IFT80: variants seen among roughly 807,000 people sequenced by gnomAD.
IFT80 encodes intraflagellar transport 80.
Under a neutral mutation model 107.9 loss-of-function variants are expected in IFT80, and 79 were observed. The observed-to-expected ratio is 0.73, with a 90% CI of 0.61 to 0.88. The LOEUF is 0.88. Among genes scored for constraint, IFT80 ranks in the 40% least tolerant of loss-of-function variants. IFT80 has a pLI of 0.00. For synonymous variants in IFT80, 299 were observed against 300.9 expected (o/e 0.99, Z 0.07); for missense variants, 797 against 914.2 (o/e 0.87, Z 1.65).
In IFT80 at chr3:160,288,205, C is replaced by T. The variant is rs78817176; in HGVS notation, c.1316-2337G>A. On this transcript the variant is annotated intron_variant, in intron 12 of 19. Transcript: ENST00000326448. ...AAAATTAGCCAGGCGTGGCAGCCTG[C>T]GCCTGTAGTCCCAGCTACTCAGGAG... is the stretch of plus-strand genomic sequence containing the variant. Among the ~76,000 whole-genome samples, 76 of 152,202 alleles carry T rather than the reference C, an allele frequency of 5.0e-4. No individual in the cohort carries two copies. The East Asian group carries it at 0.013, about 26-fold the overall frequency.
chr3:160,276,081 G>A (rs565899151), intron 18 of IFT80, among the ~76,000 whole-genome samples: 9 of 152,000 alleles, frequency 5.9e-5, no homozygotes, highest in African/African-American at 2.2e-4. Context: ...TATTGGCCAG[G>A]CTGGTCTCAA....
chr3:160,268,570 G>A, intron 18 of IFT80, 34 bp from the exon 19 acceptor site: 1 of 1,606,706 alleles, frequency 6.2e-7, no homozygotes, highest in Non-Finnish European at 8.5e-7. Flanking sequence ...TATTAACATT[G>A]TTTGTGTCAG....
At chr3:160,386,882 G>C (rs1262581067) in intron 1 of IFT80, among the ~76,000 whole-genome samples, 1 of 152,154 alleles carries the variant, frequency 6.6e-6, no homozygotes, top group Admixed American at 6.5e-5. Context: ...ACAACATGCA[G>C]GGTCTTGGAA....
chr3:160,368,214 T>C (rs1347532189), intron 5 of IFT80, among the ~76,000 whole-genome samples: 4 of 151,910 alleles, frequency 2.6e-5, no homozygotes, highest in Admixed American at 6.6e-5. Context: ...AATGTCTTAC[T>C]GAATAAATTT....
At chr3:160,364,025 G>T (rs1367165649) in intron 6 of IFT80, among the ~76,000 whole-genome samples, 3 of 151,980 alleles carry the variant, frequency 2.0e-5, no homozygotes, top group Admixed American at 6.6e-5. Context: ...AATTAAACTA[G>T]AGCTTCTGCA....
rs1342420138 is a variant in IFT80 at position 160,366,740 on chromosome 3, A to C, written c.440-588T>G. Among the ~76,000 whole-genome samples, 3 of 152,064 alleles carry C rather than the reference A, an allele frequency of 2.0e-5. No individual in the cohort carries two copies. The South Asian group carries it at 6.2e-4, about 31-fold the overall frequency. ...TGGGGCACATGAGATCTTTTGATACAGGCATACAATACATAACAATTACAT... is the reference window on the plus strand; with the variant it reads ...TGGGGCACATGAGATCTTTTGATACCGGCATACAATACATAACAATTACAT... On this transcript the variant is annotated intron_variant, in intron 5 of 19. Coordinates refer to ENST00000326448, the MANE Select transcript of IFT80 (RefSeq NM_020800.3).
chr3:160,325,294 T>C (rs951461392), intron 8 of IFT80, among the ~76,000 whole-genome samples: 2 of 152,114 alleles, frequency 1.3e-5, no homozygotes, highest in Non-Finnish European at 2.9e-5. Context: ...AAAGTTCATA[T>C]GGAACCAAAA....
intron 4 of IFT80, among the ~76,000 whole-genome samples, chr3:160,376,959 A>G (rs1185669695): frequency 1.2e-4 from 19 of 152,146 alleles, no homozygotes; most frequent in Non-Finnish European, 1.5e-5. Context: ...GTCAGACAGA[A>G]CCACCCACCT....
At chr3:160,382,483 G>C (rs753719895) in intron 2 of IFT80, among the ~76,000 whole-genome samples, 11 of 151,968 alleles carry the variant, frequency 7.2e-5, no homozygotes, top group Admixed American at 2.6e-4. Flanking sequence ...CATTTTTTCA[G>C]CTCTAATTTA....
At chr3:160,292,637 G>A (rs1222609285) in intron 12 of IFT80, among the ~76,000 whole-genome samples, 5 of 151,880 alleles carry the variant, frequency 3.3e-5, no homozygotes, top group African/African-American at 9.7e-5. Flanking sequence ...ACACCACCAC[G>A]GCCAGCTAAT....
chr3:160,259,108 CA>C (rs549975096), intron 19 of IFT80, among the ~76,000 whole-genome samples: 1 of 149,874 alleles, frequency 6.7e-6, no homozygotes, highest in Admixed American at 6.7e-5. Flanking sequence ...GGCCCTGTCT[CA>C]AAAAAAACAA....
intron 6 of IFT80, among the ~76,000 whole-genome samples, chr3:160,358,544 G>A (rs1359924745): frequency 6.6e-6 from 1 of 151,464 alleles, no homozygotes; most frequent in Non-Finnish European, 1.5e-5. Context: ...TCATTCTTTG[G>A]TATCTGTGGG....
chr3:160,331,593 T>G (rs1030326135), intron 8 of IFT80, among the ~76,000 whole-genome samples: 3 of 152,164 alleles, frequency 2.0e-5, no homozygotes, highest in African/African-American at 4.8e-5. Context: ...TCAATCAAGA[T>G]GCAAATAAGG....
chr3:160,335,027 A>AT (rs1381128955), intron 8 of IFT80, among the ~76,000 whole-genome samples: 3 of 151,604 alleles, frequency 2.0e-5, no homozygotes, highest in African/African-American at 7.3e-5. Context: ...GAAATAGGTA[A>AT]TTTTTTCAAG....
chr3:160,341,953 T>A (rs766193576), intron 8 of IFT80, among the ~76,000 whole-genome samples: 2 of 152,186 alleles, frequency 1.3e-5, no homozygotes, highest in Non-Finnish European at 2.9e-5. Flanking sequence ...AAAGAAAACA[T>A]AGAGTAAGTT....
chr3:160,397,102 A>G (rs1713836134), intron 1 of IFT80, among the ~76,000 whole-genome samples: 2 of 152,244 alleles, frequency 1.3e-5, no homozygotes, highest in African/African-American at 4.8e-5. Flanking sequence ...AGAATAGTAT[A>G]TGACTGACTT....
chr3:160,315,647 G>A (rs1717763089), intron 9 of IFT80, among the ~76,000 whole-genome samples: 1 of 152,056 alleles, frequency 6.6e-6, no homozygotes, highest in Admixed American at 6.5e-5. Flanking sequence ...ACTGTGTGTT[G>A]TTTTCCTTTC....
In IFT80 at chr3:160,357,552, TA is replaced by T; in HGVS notation, c.575del (p.Leu192Ter). On this transcript the variant is annotated frameshift_variant, in exon 7 of 20. Coordinates refer to ENST00000326448, the MANE Select transcript of IFT80 (RefSeq NM_020800.3). LOFTEE classifies it high-confidence loss of function. ...CATTGACCGAGTTCCAATCTACTTT[TA>T]AAATAATGCCATCATGAGCTTTCCA... ...LQWKAHDGII[L>X]KVDWNSVNDL... 6.3e-7 allele frequency: 1 copy of T among 1,598,782 alleles called. No homozygotes were observed. Among genetic ancestry groups the T allele is most frequent in the Non-Finnish European group, 8.6e-7 (1 of 1,166,392 alleles).
chr3:160,308,730 C>A (rs1054556849), intron 9 of IFT80, among the ~76,000 whole-genome samples: 1 of 152,190 alleles, frequency 6.6e-6, no homozygotes, highest in South Asian at 2.1e-4. Flanking sequence ...ATAAGTACTT[C>A]AAAGAAGTAC....
Sources: allele counts gnomAD v4.1 joint callset (sites outside exome capture counted in the v4.1 genomes callset), GRCh38; gene constraint gnomAD v4.1.1; transcripts MANE v1.5; gene names NCBI Gene and HGNC (gene_info 2026-07-23, HGNC 2026-07-21).